TIAM1: variants seen among roughly 807,000 people sequenced by gnomAD.
The protein encoded by TIAM1 is TIAM Rac1 associated GEF 1.
In TIAM1, 65 loss-of-function variants were observed where a neutral mutation model predicts 163.5. That is an observed-to-expected ratio of 0.40 (90% CI 0.33 to 0.49). The LOEUF (loss-of-function observed/expected upper bound fraction) is 0.49. TIAM1 is among the 20% of genes least tolerant of loss of function. The pLI, the probability that TIAM1 is intolerant of heterozygous loss-of-function variation, is 0.77. For missense variants in TIAM1, 1,789 were observed against 2,044.7 expected, an observed-to-expected ratio of 0.87 and a Z score of 2.41; for synonymous variants, 833 against 810.1, an observed-to-expected ratio of 1.03 and a Z score of -0.48.
At chr21:31,303,463 T>TCTA (rs2074577345) in intron 2 of TIAM1, among the ~76,000 whole-genome samples, 1 of 152,304 alleles carries the variant, frequency 6.6e-6, no homozygotes, top group Admixed American at 6.5e-5. Context: ...CAGGGCTGTA[T>TCTA]CTCAGCTTAT....
chr21:31,558,217 C>T (rs915461058), intron 1 of TIAM1, among the ~76,000 whole-genome samples: 3 of 152,146 alleles, frequency 2.0e-5, no homozygotes, highest in African/African-American at 7.2e-5. Context: ...GGTGAGAGGG[C>T]GAGGCGGGGA....
intron 2 of TIAM1, among the ~76,000 whole-genome samples, chr21:31,438,179 C>CATTTTTTTTTTTTT (rs2044280815): frequency 1.6e-5 from 1 of 62,686 alleles, no homozygotes; most frequent in African/African-American, 7.0e-5. Context: ...TATTTGTGAT[C>CATTTTTTTTTTTTT]TTTTTTTTTT....
intron 2 of TIAM1, among the ~76,000 whole-genome samples, chr21:31,313,287 C>T (rs892727593): frequency 6.6e-6 from 1 of 152,012 alleles, no homozygotes; most frequent in East Asian, 1.9e-4. Flanking sequence ...AAAGTACTTC[C>T]GGAGGGGGAT....
At chr21:31,211,612 T>A (rs2086890452) in intron 10 of TIAM1, among the ~76,000 whole-genome samples, 1 of 152,190 alleles carries the variant, frequency 6.6e-6, no homozygotes, top group Non-Finnish European at 1.5e-5. Flanking sequence ...GCCATTCAAC[T>A]AAATCCAACT....
In TIAM1 at chr21:31,182,523, C is replaced by T. The variant is rs752774313; in HGVS notation, c.2785G>A (p.Glu929Lys). 42 of 1,613,692 alleles carry T rather than the reference C, an allele frequency of 2.6e-5. No homozygotes were observed. Among genetic ancestry groups the T allele is most frequent in the Middle Eastern group, 1.6e-4 (1 of 6,080 alleles). Residue 929 changes from glutamate (E) to lysine (K), a missense_variant, in exon 15 of 28, where the codon GAG becomes AAG. By Grantham distance (56) the Glu-to-Lys change is moderately conservative (BLOSUM62 1). Transcript: ENST00000541036. ...AGCAGCTCCACTCCTTCCTCCAGCT[C>T]GGGGTAGGTCCTCACCAGGAGGCCC... ...SLGLLVRTYPELEEGVELLES... is the reference protein window; with the variant it reads ...SLGLLVRTYPKLEEGVELLES...
In TIAM1 at chr21:31,182,654, G is replaced by A. The variant is rs779177123; in HGVS notation, c.2663-9C>T. The A allele has an allele frequency of 8.7e-6, 14 of 1,604,812 alleles. No individual in the cohort carries two copies. The highest frequency in any genetic ancestry group is 1.7e-5 in the Admixed American group (1 of 58,312). ...ATCTCCTGCTTTCAGGCCTGCCAAC[G>A]CAAGATGGAAAATTTTTAATTTCAC... On this transcript the variant is annotated splice_polypyrimidine_tract_variant and intron_variant, in intron 14 of 27. Coordinates refer to ENST00000541036, the MANE Select transcript of TIAM1 (RefSeq NM_001353694.2).
In TIAM1 at chr21:31,210,594, G is replaced by GAAAGAAAGAAAGAA. The variant is rs745349921; in HGVS notation, c.2218-380_2218-379insTTCTTTCTTTCTTT. Reference sequence around the variant, plus strand: ...AGAAAGAAAGAAAGAAAGAAAGAAAGAGAGAAAGAAGGAAGGAAGGGAGAA... The same window carrying GAAAGAAAGAAAGAA: ...AGAAAGAAAGAAAGAAAGAAAGAAAGAAAGAAAGAAAGAAAGAGAAAGAAGGAAGGAAGGGAGAA... On this transcript the variant is annotated intron_variant, in intron 10 of 27. Transcript: ENST00000541036. Among the ~76,000 whole-genome samples the GAAAGAAAGAAAGAA allele has an allele frequency of 3.3e-4, 31 of 94,640 alleles. 1 individual carries two copies. Among genetic ancestry groups the GAAAGAAAGAAAGAA allele is most frequent in the African/African-American group, 1.8e-3 (28 of 15,950 alleles). The allele number at this position is 94,640 out of a possible 152,430, so 62.1% of individuals were successfully genotyped here.
Position 31,411,342 on chromosome 21 carries a change from C to A in TIAM1, c.-369+52641G>T, listed in dbSNP as rs533081254. 4.6e-5 allele frequency among the ~76,000 whole-genome samples: 7 copies of A among 152,272 alleles called. No homozygotes were observed. In the South Asian group the frequency reaches 1.5e-3, roughly 32 times the overall value. The stretch of plus-strand genomic sequence containing the variant: ...TGACTACAGAGCAGAAGTTAGCAAA[C>A]TTCTTGTAAGAGGCCAGCAAAGAAG... On this transcript the variant is annotated intron_variant, in intron 2 of 28. Coordinates refer to the TIAM1 transcript ENST00000286827.
chr21:31,542,794 C>T (rs1313088479), intron 1 of TIAM1, among the ~76,000 whole-genome samples: 2 of 151,996 alleles, frequency 1.3e-5, no homozygotes, highest in Admixed American at 1.3e-4. Flanking sequence ...CATGGCAAAA[C>T]CCTGTCTCTA....
At chr21:31,153,712 CAT>C (rs10547949) in intron 17 of TIAM1, among the ~76,000 whole-genome samples, 14 of 150,272 alleles carry the variant, frequency 9.3e-5, no homozygotes, top group African/African-American at 2.4e-4. Context: ...ACAACACATA[CAT>C]ATATATATAT....
rs2075699483 is a variant in TIAM1 at position 31,332,284 on chromosome 21, C to G, written c.-189+6959G>C. The stretch of plus-strand genomic sequence containing the variant: ...AATAATGTGTAAATAAATAATGCAG[C>G]ACTATCAAGCTAAAAGTTGAGTCTT... On this transcript the variant is annotated intron_variant, in intron 2 of 27. Coordinates refer to ENST00000541036, the MANE Select transcript of TIAM1 (RefSeq NM_001353694.2). Among the ~76,000 whole-genome samples, 2 of 152,120 alleles carry G rather than the reference C, an allele frequency of 1.3e-5. 1 individual carries two copies. The highest frequency in any genetic ancestry group is 4.1e-4 in the South Asian group (2 of 4,820).
chr21:31,438,023 TA>T (rs1272385285), intron 2 of TIAM1, among the ~76,000 whole-genome samples: 1 of 152,096 alleles, frequency 6.6e-6, no homozygotes, highest in Non-Finnish European at 1.5e-5. Context: ...AATAAGAGGT[TA>T]ACCCTTCCAA....
chr21:31,233,612 G>A (rs546223023), intron 6 of TIAM1, among the ~76,000 whole-genome samples: 1 of 152,314 alleles, frequency 6.6e-6, no homozygotes, highest in South Asian at 2.1e-4. Context: ...GGCTGAGGCA[G>A]GAGAATTGCT....
chr21:31,408,978 C>G (rs951109076), intron 2 of TIAM1, among the ~76,000 whole-genome samples: 36 of 147,920 alleles, frequency 2.4e-4, no homozygotes, highest in Admixed American at 1.3e-4. Context: ...ACACCATCAC[C>G]TGTGTCACCC....
chr21:31,396,651 T>C (rs2077075966), intron 2 of TIAM1, among the ~76,000 whole-genome samples: 1 of 149,766 alleles, frequency 6.7e-6, no homozygotes, highest in Non-Finnish European at 1.5e-5. Flanking sequence ...ATAATATTAA[T>C]ATAAAACAAA....
At chr21:31,218,985 G>A (rs1002868569) in intron 8 of TIAM1, among the ~76,000 whole-genome samples, 19 of 149,416 alleles carry the variant, frequency 1.3e-4, no homozygotes, top group Non-Finnish European at 2.5e-4. Context: ...AAACTCTGTC[G>A]AGGTATTACA....
chr21:31,238,717 G>C (rs2071017746), intron 6 of TIAM1, among the ~76,000 whole-genome samples: 1 of 152,178 alleles, frequency 6.6e-6, no homozygotes, highest in South Asian at 2.1e-4. Flanking sequence ...GTAGGAATGA[G>C]AAAAAGCTAG....
At chr21:31,496,640 G>C (rs2046661567) in intron 1 of TIAM1, among the ~76,000 whole-genome samples, 1 of 151,922 alleles carries the variant, frequency 6.6e-6, no homozygotes, top group African/African-American at 2.4e-5. Context: ...ATTTAGTGTA[G>C]CCTAAGTGTC....
chr21:31,432,091 CTTTTTTT>C lies in TIAM1; in HGVS notation c.-369+31885_-369+31891del, dbSNP rs11291911. ...TGAACATGTCAAAAATCTAAGATTC[CTTTTTTT>C]TTTTTTTTTTTTTTTTTTTTTGAGA... is the stretch of plus-strand genomic sequence containing the variant. On this transcript the variant is annotated intron_variant, in intron 2 of 28. Transcript: ENST00000286827. Among the ~76,000 whole-genome samples the C allele has an allele frequency of 9.5e-3, 891 of 93,618 alleles. 6 individuals carry two copies. The highest frequency in any genetic ancestry group is 0.046 in the Admixed American group (349 of 7,516). 61.4% of individuals were successfully genotyped at this position (93,618 alleles called of 152,430 possible).
Sources: allele counts gnomAD v4.1 joint callset (sites outside exome capture counted in the v4.1 genomes callset), GRCh38; gene constraint gnomAD v4.1.1; transcripts MANE v1.5; gene names NCBI Gene and HGNC (gene_info 2026-07-23, HGNC 2026-07-21).